SLC25A48: variants seen among roughly 807,000 people sequenced by gnomAD.
SLC25A48 encodes solute carrier family 25 member 48.
SLC25A48 carries 29 observed loss-of-function variants against 32.2 expected under a neutral mutation model. The observed-to-expected ratio is 0.90, with a 90% CI of 0.67 to 1.23. The LOEUF is 1.23. Among genes scored for constraint, SLC25A48 ranks in the 50% most tolerant of loss-of-function variants. The pLI is 0.00. For missense variants in SLC25A48, 399 were observed against 422.7 expected (o/e 0.94, Z 0.49); for synonymous variants, 164 against 172.3 (o/e 0.95, Z 0.38).
chr5:135,858,637 C>A (rs1760530847), intron 4 of SLC25A48, among the ~76,000 whole-genome samples: 1 of 152,208 alleles, frequency 6.6e-6, no homozygotes, highest in African/African-American at 2.4e-5. Flanking sequence ...TGGAGGAGGT[C>A]TGATTCAGAG....
chr5:135,789,513 A>G (rs948394985), intron 3 of SLC25A48, among the ~76,000 whole-genome samples: 56 of 151,242 alleles, frequency 3.7e-4, no homozygotes, highest in African/African-American at 1.3e-3. Context: ...GGTTTGTAAT[A>G]TCCAGGAGGG....
chr5:135,834,749 G>C lies in SLC25A48; in HGVS notation c.-99G>C, dbSNP rs79297797. ...GGACCTGCGGCGTGCTCGAGACTCC[G>C]ACTTCGGTCTTGCGGCGCGCTCGCG... On this transcript the variant is annotated 5_prime_UTR_variant, in exon 1 of 8. Transcript: ENST00000681962. 1.1e-3 allele frequency: 1,507 copies of C among 1,323,042 alleles called. 17 individuals carry two copies. The East Asian group carries it at 0.02, about 18-fold the overall frequency. 82.0% of individuals were successfully genotyped at this position (1,323,042 alleles called of 1,614,324 possible). A position where few individuals can be genotyped will look rare whatever the true frequency, so the allele number is the denominator to read the frequency against.
At chr5:135,788,254 T>C (rs886075251) in intron 3 of SLC25A48, among the ~76,000 whole-genome samples, 5 of 150,904 alleles carry the variant, frequency 3.3e-5, no homozygotes, top group African/African-American at 9.8e-5. Context: ...GGGGAGAGGG[T>C]GATATTATTC....
At chr5:135,771,589 G>A (rs960016015) in intron 3 of SLC25A48, among the ~76,000 whole-genome samples, 7 of 151,720 alleles carry the variant, frequency 4.6e-5, no homozygotes, top group Admixed American at 2.6e-4. Context: ...ATATCTAGGG[G>A]GGAAGAGAAT....
At chr5:135,719,768 C>T (rs917006795) in intron 3 of SLC25A48, among the ~76,000 whole-genome samples, 1 of 152,144 alleles carries the variant, frequency 6.6e-6, no homozygotes, top group Non-Finnish European at 1.5e-5. Context: ...GATCAGCATA[C>T]CTGTGGATTG....
intron 3 of SLC25A48, among the ~76,000 whole-genome samples, chr5:135,698,604 G>T (rs899741542): frequency 2.2e-4 from 33 of 152,076 alleles, no homozygotes; most frequent in African/African-American, 7.5e-4. Context: ...TTGAAAAAAA[G>T]ATATTGGAAA....
At chr5:135,611,798 A>C (rs1422686926) in intron 1 of SLC25A48, among the ~76,000 whole-genome samples, 1 of 152,230 alleles carries the variant, frequency 6.6e-6, no homozygotes, top group Non-Finnish European at 1.5e-5. Context: ...ATTCCTATTA[A>C]AAGCAACAAT....
chr5:135,623,119 C>T (rs72787191), intron 1 of SLC25A48, among the ~76,000 whole-genome samples: 9,236 of 152,244 alleles, frequency 0.061, 342 homozygotes, highest in South Asian at 0.15. Context: ...CATGCTGCTC[C>T]AGCAAAGGGG....
At chr5:135,863,464 C>T (rs927300817) in intron 4 of SLC25A48, among the ~76,000 whole-genome samples, 3 of 152,076 alleles carry the variant, frequency 2.0e-5, no homozygotes, top group South Asian at 2.1e-4. Flanking sequence ...AAACACCAAG[C>T]GAGCTGCAAA....
At chr5:135,856,376 A>T (rs1448983865) in intron 4 of SLC25A48, among the ~76,000 whole-genome samples, 1 of 151,822 alleles carries the variant, frequency 6.6e-6, no homozygotes, top group Non-Finnish European at 1.5e-5. Flanking sequence ...CCCCTGTGTG[A>T]CCCCTCTGCC....
intron 3 of SLC25A48, among the ~76,000 whole-genome samples, chr5:135,756,720 A>G (rs1755915962): frequency 6.6e-6 from 1 of 151,332 alleles, no homozygotes; most frequent in African/African-American, 2.5e-5. Flanking sequence ...GTGTTAACAC[A>G]CAGTGTTAAC....
At chr5:135,779,408 T>C (rs1399359130) in intron 3 of SLC25A48, among the ~76,000 whole-genome samples, 1 of 149,330 alleles carries the variant, frequency 6.7e-6, no homozygotes, top group African/African-American at 2.5e-5. Flanking sequence ...TTCAGGGGGG[T>C]CAGGATGACA....
Position 135,879,609 on chromosome 5 carries a change from A to AGTGT in SLC25A48, c.814-358_814-357insTGTG, listed in dbSNP as rs1268618534. On this transcript the variant is annotated intron_variant, in intron 6 of 7. Transcript: ENST00000681962. Reference sequence around the variant, plus strand: ...GAGAGAGAGAGAGAGAGAGAGAGAGAGAGTGTGTGTGTGTGTGTGTGTGTG... The same window carrying AGTGT: ...GAGAGAGAGAGAGAGAGAGAGAGAGAGTGTGAGTGTGTGTGTGTGTGTGTGTGTG... 3.2e-3 allele frequency among the ~76,000 whole-genome samples: 412 copies of AGTGT among 127,080 alleles called. 2 individuals carry two copies. The highest frequency in any genetic ancestry group is 4.6e-3 in the Non-Finnish European group (299 of 65,060). 83.4% of individuals were successfully genotyped at this position (127,080 alleles called of 152,430 possible). A position where few individuals can be genotyped will look rare whatever the true frequency, so the allele number is the denominator to read the frequency against.
At chr5:135,659,957 C>T (rs1314155232) in intron 3 of SLC25A48, among the ~76,000 whole-genome samples, 1 of 152,238 alleles carries the variant, frequency 6.6e-6, no homozygotes, top group African/African-American at 2.4e-5. Flanking sequence ...TACAGTTCAA[C>T]ATGTGATTTG....
intron 3 of SLC25A48, among the ~76,000 whole-genome samples, chr5:135,806,628 T>G (rs1757470364): frequency 1.3e-5 from 2 of 150,690 alleles, no homozygotes; most frequent in African/African-American, 4.8e-5. Flanking sequence ...ATTATAAATA[T>G]TGTAGATATT....
chr5:135,798,029 C>T (rs1412287881), intron 3 of SLC25A48, among the ~76,000 whole-genome samples: 1 of 151,834 alleles, frequency 6.6e-6, no homozygotes, highest in Non-Finnish European at 1.5e-5. Flanking sequence ...TACACCCTCC[C>T]GTGATATTCT....
chr5:135,812,865 C>G (rs1757621125), exon 4 of SLC25A48: 1 of 152,310 alleles, frequency 6.6e-6, no homozygotes, highest in Admixed American at 6.5e-5. Flanking sequence ...CTGTCTGTGT[C>G]TGTGTCAAGA....
chr5:135,719,718 G>A (rs966135844), intron 3 of SLC25A48, among the ~76,000 whole-genome samples: 1 of 152,274 alleles, frequency 6.6e-6, no homozygotes, highest in Admixed American at 6.5e-5. Flanking sequence ...CCAGCTGAGG[G>A]TATGGCCTCT....
intron 1 of SLC25A48, among the ~76,000 whole-genome samples, chr5:135,613,743 T>C (rs1245008297): frequency 3.3e-5 from 5 of 152,192 alleles, no homozygotes; most frequent in African/African-American, 1.2e-4. Flanking sequence ...TGAAAATCAG[T>C]TGACTGTAAA....
Sources: allele counts gnomAD v4.1 joint callset (sites outside exome capture counted in the v4.1 genomes callset), GRCh38; gene constraint gnomAD v4.1.1; transcripts MANE v1.5; gene names NCBI Gene and HGNC (gene_info 2026-07-23, HGNC 2026-07-21).